LGR6: variants seen among roughly 807,000 people sequenced by gnomAD.
LGR6 encodes the protein leucine rich repeat containing G protein-coupled receptor 6, also known as leucine-rich repeat-containing G protein-coupled receptor 6.
In LGR6, 45 loss-of-function variants were observed where a neutral mutation model predicts 69.4. That is an observed-to-expected ratio of 0.65 (90% CI 0.51 to 0.83). The LOEUF is 0.83. LGR6 is among the 40% of genes least tolerant of loss of function. The pLI, the probability that LGR6 is intolerant of heterozygous loss-of-function variation, is 0.00. For missense variants in LGR6, 1,108 were observed against 1,246.7 expected (o/e 0.89, Z 1.68); for synonymous variants, 538 against 555.0 (o/e 0.97, Z 0.43).
rs150852211 is a variant in LGR6, at chr1:202,230,011, C to A, written c.356+2004C>A. ...AGCTGCAAGAAAAATAGAGCAGTAG[C>A]ACCATGATAATGACAACCTATTTTT... is the stretch of plus-strand genomic sequence containing the variant. On this transcript the variant is annotated intron_variant, in intron 3 of 17. Transcript: ENST00000367278. Among the ~76,000 whole-genome samples, 179 of 152,284 alleles carry A rather than the reference C, an allele frequency of 1.2e-3. 1 individual carries two copies. In the South Asian group the frequency reaches 0.02, roughly 17 times the overall value.
chr1:202,298,079 A>G (rs1288795693), intron 7 of LGR6, among the ~76,000 whole-genome samples: 1 of 152,234 alleles, frequency 6.6e-6, no homozygotes, highest in Non-Finnish European at 1.5e-5. Context: ...GATAAACACA[A>G]ACAAAGGGTC....
chr1:202,301,029 G>T, intron 8 of LGR6, 109 bp downstream of exon 8: 1 of 1,291,096 alleles, frequency 7.7e-7, no homozygotes, highest in Non-Finnish European at 1.1e-6. Flanking sequence ...GGAGGCAGAA[G>T]TATGGGAGGG....
chr1:202,285,722 G>A (rs1357866452), intron 6 of LGR6, among the ~76,000 whole-genome samples: 1 of 152,168 alleles, frequency 6.6e-6, no homozygotes, highest in Admixed American at 6.5e-5. Flanking sequence ...CTCCTCTGTA[G>A]GATGGATGGG....
chr1:202,311,672 A>C (rs931571066), intron 16 of LGR6, among the ~76,000 whole-genome samples: 1 of 152,212 alleles, frequency 6.6e-6, no homozygotes, highest in Admixed American at 6.5e-5. Flanking sequence ...AAAAAACTAA[A>C]TAAATAAATA....
intron 4 of LGR6, among the ~76,000 whole-genome samples, chr1:202,260,932 T>G (rs891133742): frequency 3.3e-5 from 5 of 152,178 alleles, no homozygotes; most frequent in African/African-American, 1.2e-4. Context: ...TATTTTTTCT[T>G]TATGAATGCT....
rs1474093691 is a variant in LGR6 at position 202,195,854 on chromosome 1, T to C, written c.212+1653T>C. Among the ~76,000 whole-genome samples the C allele has an allele frequency of 7.9e-5, 12 of 152,282 alleles. No homozygotes were observed. In the South Asian group the frequency reaches 1.9e-3, roughly 24 times the overall value. ...CAGCATTAAGTCTTCCTAGACTGGTTAATGACCCTTTTTCTAGAAGGACTT... is the reference window on the plus strand; with the variant it reads ...CAGCATTAAGTCTTCCTAGACTGGTCAATGACCCTTTTTCTAGAAGGACTT... On this transcript the variant is annotated intron_variant, in intron 1 of 17. Transcript: ENST00000367278.
intron 1 of LGR6, among the ~76,000 whole-genome samples, chr1:202,208,630 C>G (rs1445737704): frequency 6.6e-6 from 1 of 151,940 alleles, no homozygotes; most frequent in Non-Finnish European, 1.5e-5. Context: ...GAATGCCTAC[C>G]CCCCCGCCAG....
At chr1:202,308,008 C>T (rs183113386) in intron 14 of LGR6, among the ~76,000 whole-genome samples, 8 of 152,330 alleles carry the variant, frequency 5.3e-5, no homozygotes, top group Admixed American at 5.2e-4. Context: ...ATCCTGCCAC[C>T]TCCTTGCCAA....
intron 4 of LGR6, among the ~76,000 whole-genome samples, chr1:202,245,604 C>G (rs1053199773): frequency 6.6e-6 from 1 of 152,170 alleles, no homozygotes; most frequent in African/African-American, 2.4e-5. Context: ...CACTCCTGCC[C>G]TCTGCGCCCC....
rs1653619824 is a variant in LGR6 at position 202,310,326 on chromosome 1, G to A, written c.1536G>A (p.Leu512=). 1.9e-6 allele frequency: 3 copies of A among 1,613,948 alleles called. No individual in the cohort carries two copies. Among genetic ancestry groups the A allele is most frequent in the Middle Eastern group, 1.7e-4 (1 of 6,024 alleles). Residue 512 remains leucine (L), a synonymous_variant, in exon 16 of 18, where the codon CTG becomes CTA. Transcript: ENST00000367278. The part of the protein sequence containing the change: ...LDDEESSKRP[L]GLLARQAENH... ...ATGAGGAGTCTTCAAAAAGGCCCCTGGGCCTCCTTGCCAGACAAGCAGAGA... is the reference window on the plus strand; with the variant it reads ...ATGAGGAGTCTTCAAAAAGGCCCCTAGGCCTCCTTGCCAGACAAGCAGAGA...
At chr1:202,301,678 C>T (rs1667605564) in intron 9 of LGR6, among the ~76,000 whole-genome samples, 1 of 152,122 alleles carries the variant, frequency 6.6e-6, no homozygotes, top group East Asian at 1.9e-4. Context: ...CTCTATTTCC[C>T]CTCTCTTATT....
At chr1:202,251,910 G>C (rs1462306215) in intron 4 of LGR6, among the ~76,000 whole-genome samples, 1 of 152,142 alleles carries the variant, frequency 6.6e-6, no homozygotes, top group Non-Finnish European at 1.5e-5. Flanking sequence ...AAGGAGGACT[G>C]TTGAGGGAGG....
At chr1:202,286,357 A>G (rs575125563) in intron 6 of LGR6, among the ~76,000 whole-genome samples, 13 of 152,314 alleles carry the variant, frequency 8.5e-5, no homozygotes, top group African/African-American at 2.9e-4. Flanking sequence ...TCACTGGGCA[A>G]ATAATTCCCT....
chr1:202,311,787 T>G (rs1653743323), intron 16 of LGR6, among the ~76,000 whole-genome samples: 1 of 152,218 alleles, frequency 6.6e-6, no homozygotes, highest in Non-Finnish European at 1.5e-5. Flanking sequence ...ACTGGTGCCT[T>G]CTGGTGTACA....
chr1:202,273,322 G>T (rs978529189), intron 4 of LGR6, among the ~76,000 whole-genome samples: 1 of 152,196 alleles, frequency 6.6e-6, no homozygotes, highest in African/African-American at 2.4e-5. Context: ...AGGGAGTCAG[G>T]CTTCCTGGGT....
At chr1:202,269,008 G>A (rs1485767233) in intron 4 of LGR6, among the ~76,000 whole-genome samples, 2 of 152,148 alleles carry the variant, frequency 1.3e-5, no homozygotes, top group East Asian at 1.9e-4. Context: ...GGGATCAAAA[G>A]ATCCTCCTGC....
At chr1:202,304,755 T>C in intron 11 of LGR6, 125 bp downstream of exon 11, 1 of 651,692 alleles carries the variant, frequency 1.5e-6, no homozygotes, top group Non-Finnish European at 2.6e-6. Flanking sequence ...CAGCATAGGC[T>C]CCTGCTGAGA....
chr1:202,291,578 C>A (rs1292426474), intron 6 of LGR6, among the ~76,000 whole-genome samples: 1 of 152,208 alleles, frequency 6.6e-6, no homozygotes, highest in Non-Finnish European at 1.5e-5. Flanking sequence ...CAAAAGTGAA[C>A]CCATATGCTT....
chr1:202,314,788 G>T lies in LGR6; in HGVS notation c.1568-14G>T. ...AAGACCCAGGACCCTGCATCACTTT[G>T]TCTCTCCTTTCAGATGACCAGGACC... is the stretch of plus-strand genomic sequence containing the variant. On this transcript the variant is annotated splice_polypyrimidine_tract_variant and intron_variant, in intron 16 of 17. Coordinates refer to ENST00000367278, the MANE Select transcript of LGR6 (RefSeq NM_001017403.2). The T allele has an allele frequency of 6.2e-7, 1 of 1,608,162 alleles. No individual in the cohort carries two copies. The highest frequency in any genetic ancestry group is 8.5e-7 in the Non-Finnish European group (1 of 1,174,562).
Sources: gnomAD v4.1 joint callset for allele counts (sites outside exome capture counted in the v4.1 genomes callset) on GRCh38, gnomAD v4.1.1 for gene constraint, MANE v1.5 for transcripts, NCBI Gene and HGNC (gene_info 2026-07-23, HGNC 2026-07-21) for gene names.